MACROD2: variants seen among roughly 807,000 people sequenced by gnomAD.
The protein encoded by MACROD2 is mono-ADP ribosylhydrolase 2, also known as ADP-ribose glycohydrolase MACROD2.
Under a neutral mutation model 70.4 loss-of-function variants are expected in MACROD2, and 36 were observed. The observed-to-expected ratio is 0.51, with a 90% confidence interval of 0.39 to 0.68. MACROD2 has a LOEUF of 0.68. Ranked by LOEUF, MACROD2 falls within the 30% of genes least tolerant of loss-of-function variation. The probability of loss-of-function intolerance (pLI) is 0.00; values close to 1 mark genes in which losing one functional copy is unlikely to be tolerated. For missense variants in MACROD2, 496 were observed against 538.4 expected (o/e 0.92, Z 0.78); for synonymous variants, 172 against 178.8 (o/e 0.96, Z 0.30).
intron 5 of MACROD2, among the ~76,000 whole-genome samples, chr20:14,908,143 A>ACATCGTGTC (rs2073981836): frequency 1.3e-5 from 2 of 152,018 alleles, no homozygotes; most frequent in Non-Finnish European, 2.9e-5. Flanking sequence ...CAGGAATTCG[A>ACATCGTGTC]GACCAGTCTG....
Position 14,420,858 on chromosome 20 carries a change from A to AT in MACROD2, c.272-72616dup, listed in dbSNP as rs545477638. Among the ~76,000 whole-genome samples the AT allele has an allele frequency of 3.2e-3, 483 of 152,080 alleles. 4 individuals are homozygous for AT. Among genetic ancestry groups the AT allele is most frequent in the African/African-American group, 0.011 (459 of 41,484 alleles). On this transcript the variant is annotated intron_variant, in intron 3 of 17. Transcript: ENST00000684519. ...AGGTGTATGCCACCATGCCTGGCTA[A>AT]TTTTTAATTTTTTGTGTAGAGGTGA...
intron 4 of MACROD2, among the ~76,000 whole-genome samples, chr20:14,568,924 C>G (rs1237923877): frequency 2.0e-5 from 3 of 151,914 alleles, no homozygotes; most frequent in Non-Finnish European, 4.4e-5. Context: ...TGCTACAGCC[C>G]CAGTCAGCAT....
At chr20:15,739,907 C>A (rs1033246389) in intron 8 of MACROD2, among the ~76,000 whole-genome samples, 4 of 152,194 alleles carry the variant, frequency 2.6e-5, no homozygotes, top group African/African-American at 9.6e-5. Flanking sequence ...ATAATAATGG[C>A]ATTACATTTC....
chr20:15,115,163 A>T (rs999016920), intron 5 of MACROD2, among the ~76,000 whole-genome samples: 1 of 152,186 alleles, frequency 6.6e-6, no homozygotes, highest in Non-Finnish European at 1.5e-5. Flanking sequence ...CTATTGATAC[A>T]TAGAGCCCTG....
chr20:14,824,529 A>G (rs1317261063), intron 5 of MACROD2, among the ~76,000 whole-genome samples: 11 of 152,024 alleles, frequency 7.2e-5, no homozygotes, highest in Admixed American at 7.2e-4. Flanking sequence ...GGTTTAATAT[A>G]CACAGCTATG....
chr20:15,049,176 T>C (rs754284155), intron 5 of MACROD2, among the ~76,000 whole-genome samples: 4 of 151,992 alleles, frequency 2.6e-5, no homozygotes, highest in Non-Finnish European at 5.9e-5. Flanking sequence ...ATATTTATGA[T>C]GTGGAATGAT....
At chr20:15,686,996 CTTTTTTTTTTCT>C (rs979958464) in intron 8 of MACROD2, among the ~76,000 whole-genome samples, 28 of 126,446 alleles carry the variant, frequency 2.2e-4, no homozygotes, top group African/African-American at 8.1e-4. Flanking sequence ...AAGCTAGTTT[CTTTTTTTTTTCT>C]TTTTTTTTTG....
intron 5 of MACROD2, among the ~76,000 whole-genome samples, chr20:15,021,284 CTGTG>C (rs1328980919): frequency 5.1e-5 from 5 of 98,360 alleles, no homozygotes; most frequent in Admixed American, 1.0e-4. Flanking sequence ...ATACGCACAC[CTGTG>C]TGTGTGTATA....
intron 6 of MACROD2, among the ~76,000 whole-genome samples, chr20:15,249,946 G>A (rs1444321637): frequency 6.6e-6 from 1 of 152,198 alleles, no homozygotes; most frequent in East Asian, 1.9e-4. Context: ...TTTAAAAATA[G>A]GTACTGAGCT....
chr20:15,291,409 A>G (rs1248486758), intron 6 of MACROD2, among the ~76,000 whole-genome samples: 1 of 152,238 alleles, frequency 6.6e-6, no homozygotes, highest in African/African-American at 2.4e-5. Flanking sequence ...TAGGCCCACA[A>G]TAAACAGCAG....
intron 4 of MACROD2, among the ~76,000 whole-genome samples, chr20:14,520,746 C>T (rs1268154843): frequency 6.6e-6 from 1 of 152,146 alleles, no homozygotes; most frequent in African/African-American, 2.4e-5. Flanking sequence ...ACCTTTGTAC[C>T]TTTACCATTT....
chr20:14,985,716 G>A, intron 5 of MACROD2, among the ~76,000 whole-genome samples: 1 of 143,002 alleles, frequency 7.0e-6, no homozygotes, highest in East Asian at 2.0e-4. Flanking sequence ...GATGATAAAT[G>A]AGTTTAGTTC....
intron 4 of MACROD2, among the ~76,000 whole-genome samples, chr20:14,625,852 T>C (rs1346286419): frequency 6.6e-6 from 1 of 152,152 alleles, no homozygotes; most frequent in Admixed American, 6.6e-5. Context: ...AGATGGAGTC[T>C]CACTCTATCG....
intron 4 of MACROD2, among the ~76,000 whole-genome samples, chr20:14,669,349 A>C (rs968375601): frequency 2.6e-5 from 4 of 152,208 alleles, no homozygotes; most frequent in Non-Finnish European, 4.4e-5. Flanking sequence ...ACATACACAG[A>C]CAGGCTTTTC....
intron 5 of MACROD2, among the ~76,000 whole-genome samples, chr20:15,162,244 A>T (rs921422471): frequency 2.6e-5 from 4 of 152,068 alleles, no homozygotes; most frequent in African/African-American, 9.7e-5. Context: ...CTAGGAGCAG[A>T]AAGAGGAGTG....
chr20:14,119,343 A>G (rs1490380554), intron 3 of MACROD2, among the ~76,000 whole-genome samples: 1 of 136,964 alleles, frequency 7.3e-6, no homozygotes, highest in Admixed American at 7.4e-5. Flanking sequence ...AATTTTTTAT[A>G]TTTTTAGTAG....
intron 2 of MACROD2, among the ~76,000 whole-genome samples, chr20:14,080,419 G>A (rs1032444201): frequency 7.5e-5 from 8 of 106,116 alleles, no homozygotes; most frequent in Non-Finnish European, 1.0e-4. Flanking sequence ...CTACAGCCTG[G>A]GCAACAGAGT....
At chr20:15,354,409 G>A (rs2078263307) in intron 6 of MACROD2, among the ~76,000 whole-genome samples, 1 of 152,166 alleles carries the variant, frequency 6.6e-6, no homozygotes, top group African/African-American at 2.4e-5. Flanking sequence ...TAAATGATGA[G>A]TTAATGGGTG....
intron 8 of MACROD2, among the ~76,000 whole-genome samples, chr20:15,639,631 A>G (rs1268832322): frequency 6.6e-6 from 1 of 152,186 alleles, no homozygotes; most frequent in Non-Finnish European, 1.5e-5. Flanking sequence ...GCTTTTGGGT[A>G]TCTCTCCAGC....
Sources: gnomAD v4.1 joint callset for allele counts (sites outside exome capture counted in the v4.1 genomes callset) on GRCh38, gnomAD v4.1.1 for gene constraint, MANE v1.5 for transcripts, NCBI Gene and HGNC (gene_info 2026-07-23, HGNC 2026-07-21) for gene names.